The following DOCK8 variants were observed in gnomAD, a reference collection of about 807,000 sequenced individuals.
DOCK8 encodes the protein dedicator of cytokinesis protein 8.
DOCK8 carries 141 observed loss-of-function variants against 245.6 expected under a neutral mutation model. That is an observed-to-expected ratio of 0.57 (90% CI 0.50 to 0.66). The LOEUF (loss-of-function observed/expected upper bound fraction) is 0.66, where lower values mean the gene tolerates loss of function less well. Among genes scored for constraint, DOCK8 ranks in the 30% least tolerant of loss-of-function variants. The probability of loss-of-function intolerance (pLI) is 0.00; values close to 1 mark genes in which losing one functional copy is unlikely to be tolerated. For synonymous variants in DOCK8, 1,168 were observed against 970.2 expected (o/e 1.20, Z -3.79); for missense variants, 2,965 against 2,603.4 (o/e 1.14, Z -3.02).
intron 23 of DOCK8, among the ~76,000 whole-genome samples, chr9:389,499 A>T (rs936926735): frequency 6.6e-6 from 1 of 152,118 alleles, no homozygotes; most frequent in African/African-American, 2.4e-5. Context: ...GCTTCCCACA[A>T]TGCCATATGG....
chr9:229,369 G>A (rs2047056818), intron 1 of DOCK8, among the ~76,000 whole-genome samples: 1 of 152,204 alleles, frequency 6.6e-6, no homozygotes, highest in Non-Finnish European at 1.5e-5. Flanking sequence ...TGAGAGACAT[G>A]AAGACAACTA....
intron 4 of DOCK8, among the ~76,000 whole-genome samples, chr9:303,489 A>G (rs898961676): frequency 2.0e-5 from 3 of 152,148 alleles, no homozygotes; most frequent in Non-Finnish European, 4.4e-5. Context: ...GTTTTTTTGC[A>G]GCAACATGGA....
chr9:393,116 A>G (rs576443255), intron 24 of DOCK8, among the ~76,000 whole-genome samples: 15 of 122,142 alleles, frequency 1.2e-4, no homozygotes, highest in African/African-American at 7.3e-4. Flanking sequence ...AAAAAAAAAG[A>G]AGAAGAAGAA....
chr9:442,694 G>A (rs371690333), intron 42 of DOCK8, among the ~76,000 whole-genome samples: 14 of 151,330 alleles, frequency 9.3e-5, no homozygotes, highest in Admixed American at 7.2e-4. Context: ...GTGCCTCCCC[G>A]ATGGGATTTG....
At chr9:304,485 A>G (rs2049716329) in intron 4 of DOCK8, 96 bp from the exon 5 acceptor site, 1 of 1,519,954 alleles carries the variant, frequency 6.6e-7, no homozygotes, top group Non-Finnish European at 9.0e-7. Context: ...TCTCAGCACC[A>G]TGTCTACACT....
chr9:234,037 G>C lies in DOCK8; in HGVS notation c.53+19008G>C, dbSNP rs186412328. 1.1e-3 allele frequency among the ~76,000 whole-genome samples: 163 copies of C among 152,262 alleles called. 2 individuals carry two copies. The highest frequency in any genetic ancestry group is 1.8e-3 in the Non-Finnish European group (123 of 68,026). On this transcript the variant is annotated intron_variant, in intron 1 of 47. Coordinates refer to ENST00000432829, the MANE Select transcript of DOCK8 (RefSeq NM_203447.4). ...CATGTTTTTGCAGTGGCTGGTACTG[G>C]TTGTTCCTTTCCATGTTTGGTGCTT...
Position 463,670 on chromosome 9 carries a change from A to G in DOCK8, c.6222A>G (p.Arg2074=). 1.2e-6 allele frequency: 2 copies of G among 1,613,814 alleles called. No homozygotes were observed. The highest frequency in any genetic ancestry group is 1.7e-6 in the Non-Finnish European group (2 of 1,180,030). The change falls in exon 47 of 48, where the codon AGA becomes AGG. Residue 2074 remains arginine, a synonymous_variant. Transcript: ENST00000432829. ...CAGAACTGTACAAGCCAATATTCAG[A>G]GTTGAGAGTCAAAAGAGGTAAGAAC... ...KIPELYKPIF[R]VESQKRDSFH...
At chr9:360,673 A>G (rs1355843335) in intron 14 of DOCK8, among the ~76,000 whole-genome samples, 1 of 152,198 alleles carries the variant, frequency 6.6e-6, no homozygotes, top group Non-Finnish European at 1.5e-5. Flanking sequence ...AACTTCTGGA[A>G]TCTCAGACAT....
intron 28 of DOCK8, among the ~76,000 whole-genome samples, chr9:412,847 A>T (rs1158883312): frequency 6.6e-6 from 1 of 151,100 alleles, no homozygotes. Flanking sequence ...CATAGATTAA[A>T]TGCAGTTCTT....
Position 420,536 on chromosome 9 carries a change from A to T in DOCK8, c.3976A>T (p.Arg1326Trp). The T allele has an allele frequency of 6.2e-7, 1 of 1,614,192 alleles. No homozygotes were observed. The highest frequency in any genetic ancestry group is 8.5e-7 in the Non-Finnish European group (1 of 1,180,038). The change falls in exon 31 of 48, where the codon AGG becomes TGG. Residue 1326 changes from arginine (R) to tryptophan (W), a missense_variant. Arg to Trp is a moderately radical substitution (Grantham distance 101). Around this residue, in one of 3 missense-constraint regions of DOCK8, gnomAD observed 2,825 missense variants for 2,453.5 expected, o/e 1.15. Coordinates refer to ENST00000432829, the MANE Select transcript of DOCK8 (RefSeq NM_203447.4). ...IADLPSTQLN[R>W]ILDLLFICVL... The stretch of plus-strand genomic sequence containing the variant: ...TGACCTGCCATCAACGCAGCTCAAC[A>T]GGATTTTAGATCTACTTTTCATCTG...
At chr9:400,685 ACCACCT>A (rs2054920085) in intron 26 of DOCK8, among the ~76,000 whole-genome samples, 2 of 117,820 alleles carry the variant, frequency 1.7e-5, no homozygotes, top group Non-Finnish European at 1.7e-5. Context: ...CACCATCACC[ACCACCT>A]CCACCACCAC....
chr9:339,096 C>G lies in DOCK8; in HGVS notation c.1513C>G (p.Pro505Ala). The G allele has an allele frequency of 6.2e-7, 1 of 1,613,522 alleles. No individual in the cohort carries two copies. Among genetic ancestry groups the G allele is most frequent in the Non-Finnish European group, 8.5e-7 (1 of 1,179,524 alleles). ...CTTACAGAGACGAGTCAAGTCAATT[C>G]CAGGTGTGAATGACTTATCTTTATC... ...SSLQRRVKSI[P>A]GLLRLEISTA... The change falls in exon 13 of 48, where the codon CCA (proline) becomes GCA (alanine). Residue 505 changes from proline to alanine, a missense_variant. Transcript: ENST00000432829.
chr9:338,554 GT>G (rs2051427248), intron 12 of DOCK8, among the ~76,000 whole-genome samples: 1 of 152,208 alleles, frequency 6.6e-6, no homozygotes, highest in Admixed American at 6.5e-5. Context: ...TTGGGCATAT[GT>G]GGGGGTGGAC....
At chr9:236,246 G>T (rs1331285363) in intron 1 of DOCK8, among the ~76,000 whole-genome samples, 1 of 152,164 alleles carries the variant, frequency 6.6e-6, no homozygotes, top group Admixed American at 6.6e-5. Flanking sequence ...TTGGAGACAG[G>T]AAGAAGAAAG....
intron 23 of DOCK8, among the ~76,000 whole-genome samples, 157 bp downstream of exon 23, chr9:386,583 T>C (rs2053965656): frequency 6.6e-6 from 1 of 152,188 alleles, no homozygotes; most frequent in Non-Finnish European, 1.5e-5. Context: ...AGCCCTGTCC[T>C]TTACGCCACA....
intron 14 of DOCK8, among the ~76,000 whole-genome samples, chr9:361,646 C>T (rs2052736464): frequency 6.6e-6 from 1 of 152,154 alleles, no homozygotes; most frequent in African/African-American, 2.4e-5. Flanking sequence ...GCTTAAATTA[C>T]AGGTGCTACT....
intron 1 of DOCK8, among the ~76,000 whole-genome samples, chr9:267,627 C>T (rs559090257): frequency 1.3e-5 from 2 of 152,286 alleles, no homozygotes; most frequent in South Asian, 2.1e-4. Context: ...TATATTTCCA[C>T]GTATATTGTT....
chr9:319,650 G>A (rs1239094775), intron 7 of DOCK8, among the ~76,000 whole-genome samples: 3 of 152,072 alleles, frequency 2.0e-5, no homozygotes, highest in Non-Finnish European at 4.4e-5. Flanking sequence ...AATACTACAT[G>A]TTTTAGCCCC....
chr9:414,540 C>T (rs2055897312), intron 28 of DOCK8, among the ~76,000 whole-genome samples: 1 of 151,534 alleles, frequency 6.6e-6, no homozygotes, highest in South Asian at 2.1e-4. Context: ...CTTGGTTTTC[C>T]AGGGTTAGAA....
Sources: allele counts gnomAD v4.1 joint callset (sites outside exome capture counted in the v4.1 genomes callset), GRCh38; gene constraint gnomAD v4.1.1; regional missense constraint gnomAD v4.1.1; transcripts MANE v1.5; gene names NCBI Gene and HGNC (gene_info 2026-07-23, HGNC 2026-07-21).